The following SDK1 variants were observed in gnomAD, a reference collection of about 807,000 sequenced individuals.
SDK1 encodes sidekick cell adhesion molecule 1, also known as protein sidekick-1.
A neutral mutation model predicts 245.5 loss-of-function variants in SDK1; 157 were observed. The ratio of observed to expected loss-of-function variants is 0.64; its 90% confidence interval spans 0.56 to 0.73. SDK1 has a LOEUF of 0.73. Ranked by LOEUF, SDK1 falls within the 30% of genes least tolerant of loss-of-function variation. The pLI, the probability that SDK1 is intolerant of heterozygous loss-of-function variation, is 0.00. For synonymous variants in SDK1, 1,647 were observed against 1,278.5 expected (o/e 1.29, Z -6.15); for missense variants, 3,583 against 3,002.3 (o/e 1.19, Z -4.52).
At chr7:3,766,677 T>G (rs1413036430) in intron 4 of SDK1, among the ~76,000 whole-genome samples, 1 of 152,182 alleles carries the variant, frequency 6.6e-6, no homozygotes, top group Admixed American at 6.5e-5. Context: ...TATTATGACT[T>G]CAGAAATAAT....
intron 17 of SDK1, among the ~76,000 whole-genome samples, chr7:4,038,683 G>A (rs912503992): frequency 5.3e-5 from 8 of 152,224 alleles, no homozygotes; most frequent in African/African-American, 7.2e-5. Flanking sequence ...ATTGCAGGAG[G>A]AATTTTGGCT....
intron 1 of SDK1, among the ~76,000 whole-genome samples, chr7:3,512,207 A>C (rs1412532867): frequency 6.6e-6 from 1 of 152,068 alleles, no homozygotes; most frequent in Non-Finnish European, 1.5e-5. Context: ...CATTGGGATC[A>C]TACAGAATAT....
At chr7:3,513,989 T>G (rs984484732) in intron 1 of SDK1, among the ~76,000 whole-genome samples, 1 of 152,226 alleles carries the variant, frequency 6.6e-6, no homozygotes, top group Non-Finnish European at 1.5e-5. Flanking sequence ...CTGTGTAATA[T>G]TCCATGGTGT....
rs113132294 is a variant in SDK1 at position 4,231,073 on chromosome 7, C to T, written c.5828-2182C>T. ...TGAACAGAGTAAATGCACAAGCCTT[C>T]CCTGACCATTCTTAAGCCAAACTCA... On this transcript the variant is annotated intron_variant, in intron 40 of 44. Transcript: ENST00000404826. Among the ~76,000 whole-genome samples the T allele has an allele frequency of 2.5e-3, 375 of 152,254 alleles. 2 individuals carry two copies. Among genetic ancestry groups the T allele is most frequent in the Non-Finnish European group, 4.1e-3 (278 of 68,006 alleles).
At chr7:4,006,318 G>A (rs1414866959) in intron 14 of SDK1, among the ~76,000 whole-genome samples, 1 of 152,200 alleles carries the variant, frequency 6.6e-6, no homozygotes, top group Non-Finnish European at 1.5e-5. Flanking sequence ...GGCTGGGGAA[G>A]TGTAAAATCC....
chr7:3,729,489 A>G (rs1367666902), intron 4 of SDK1, among the ~76,000 whole-genome samples: 1 of 152,198 alleles, frequency 6.6e-6, no homozygotes, highest in Non-Finnish European at 1.5e-5. Context: ...AGTGAAGGCC[A>G]GGGATGCTGG....
intron 1 of SDK1, among the ~76,000 whole-genome samples, chr7:3,398,509 G>A (rs556746588): frequency 6.6e-6 from 1 of 151,988 alleles, no homozygotes; most frequent in South Asian, 2.1e-4. Flanking sequence ...TTCTGACAAA[G>A]TAGTTTCCCT....
intron 38 of SDK1, among the ~76,000 whole-genome samples, chr7:4,214,559 G>C (rs1784682010): frequency 6.6e-6 from 1 of 152,156 alleles, no homozygotes; most frequent in Non-Finnish European, 1.5e-5. Flanking sequence ...CTCCTTCCTT[G>C]GCTCTGCAGG....
rs554594036 is a variant in SDK1 at position 3,437,462 on chromosome 7, G to A, written c.298+135578G>A. 9.2e-5 allele frequency among the ~76,000 whole-genome samples: 14 copies of A among 152,264 alleles called. No individual in the cohort carries two copies. In the South Asian group the frequency reaches 2.9e-3, roughly 32 times the overall value. ...ACAAACCAGTAATCCTCTATTTCAT[G>A]TGCCAGCAGTCAAAATTACGTGTGA... On this transcript the variant is annotated intron_variant, in intron 1 of 44. Coordinates refer to ENST00000404826, the MANE Select transcript of SDK1 (RefSeq NM_152744.4).
chr7:3,487,293 C>T (rs1395546226), intron 1 of SDK1, among the ~76,000 whole-genome samples: 1 of 152,114 alleles, frequency 6.6e-6, no homozygotes, highest in Non-Finnish European at 1.5e-5. Flanking sequence ...TACAACTTTA[C>T]CCATTATTTT....
intron 5 of SDK1, among the ~76,000 whole-genome samples, chr7:3,908,460 G>A (rs1330618740): frequency 1.3e-5 from 2 of 152,176 alleles, no homozygotes; most frequent in African/African-American, 2.4e-5. Flanking sequence ...AGTCCACTCA[G>A]CGGTCCACTC....
At chr7:3,598,574 A>G (rs1020951263) in intron 1 of SDK1, among the ~76,000 whole-genome samples, 2 of 152,202 alleles carry the variant, frequency 1.3e-5, no homozygotes, top group African/African-American at 4.8e-5. Context: ...TGTCAGCACA[A>G]GATCCCTGCA....
Position 4,220,018 on chromosome 7 carries a change from C to T in SDK1, c.5540-91C>T, listed in dbSNP as rs1042013085. ...ATACTTCCTTAGCAAACTGCAGGGA[C>T]CACTTTCCTTGTTATCGCAACAGAA... On this transcript the variant is annotated intron_variant, in intron 38 of 44. Transcript: ENST00000404826. 17 of 1,453,212 alleles carry T rather than the reference C, an allele frequency of 1.2e-5. No homozygotes were observed. The African/African-American group carries it at 2.3e-4, about 19-fold the overall frequency. 90.0% of individuals were successfully genotyped at this position (1,453,212 alleles called of 1,614,324 possible).
chr7:3,485,089 A>G (rs761617755), intron 1 of SDK1, among the ~76,000 whole-genome samples: 1 of 152,154 alleles, frequency 6.6e-6, no homozygotes, highest in Non-Finnish European at 1.5e-5. Flanking sequence ...ACTGTTTTCC[A>G]TAATAGTTCT....
At chr7:4,050,542 C>T (rs983309841) in intron 18 of SDK1, among the ~76,000 whole-genome samples, 5 of 152,202 alleles carry the variant, frequency 3.3e-5, no homozygotes, top group Non-Finnish European at 7.3e-5. Flanking sequence ...CCAATTAGTC[C>T]TAGAAATGTT....
chr7:3,883,693 G>C (rs934312630), intron 5 of SDK1, among the ~76,000 whole-genome samples: 2 of 144,252 alleles, frequency 1.4e-5, no homozygotes, highest in African/African-American at 5.5e-5. Flanking sequence ...TCGCTCCCTC[G>C]CTCCCTCCCT....
intron 28 of SDK1, 73 bp downstream of exon 28, chr7:4,132,496 T>A: frequency 9.3e-7 from 1 of 1,077,964 alleles, no homozygotes; most frequent in Non-Finnish European, 1.4e-6. Flanking sequence ...CCGAGGCAGG[T>A]GGTTTGCTTG....
chr7:4,007,428 G>A (rs756679320), intron 14 of SDK1, among the ~76,000 whole-genome samples: 2 of 152,104 alleles, frequency 1.3e-5, no homozygotes, highest in Non-Finnish European at 2.9e-5. Context: ...TCTACAGGAA[G>A]CCTCGGGGCA....
At chr7:3,924,450 C>T (rs1030639785) in intron 5 of SDK1, among the ~76,000 whole-genome samples, 4 of 152,266 alleles carry the variant, frequency 2.6e-5, no homozygotes, top group Non-Finnish European at 5.9e-5. Flanking sequence ...GTCGTGGTGA[C>T]GGGGTGTGAT....
Sources: gnomAD v4.1 joint callset for allele counts (sites outside exome capture counted in the v4.1 genomes callset) on GRCh38, gnomAD v4.1.1 for gene constraint, MANE v1.5 for transcripts, NCBI Gene and HGNC (gene_info 2026-07-23, HGNC 2026-07-21) for gene names.